ANAPC1: variants seen among roughly 807,000 people sequenced by gnomAD.
ANAPC1 encodes anaphase-promoting complex subunit 1.
Under a neutral mutation model 208.0 loss-of-function variants are expected in ANAPC1, and 36 were observed. That is an observed-to-expected ratio of 0.17 (90% CI 0.13 to 0.23). ANAPC1 has a LOEUF of 0.23. Ranked by LOEUF, ANAPC1 falls within the 10% of genes least tolerant of loss-of-function variation. The pLI is 1.00. For missense variants in ANAPC1, 942 were observed against 2,011.6 expected (o/e 0.47, Z 10.17); for synonymous variants, 378 against 695.2 (o/e 0.54, Z 7.18).
At chr2:111,813,512 C>T (rs1426185566) in intron 28 of ANAPC1, among the ~76,000 whole-genome samples, 89 of 149,366 alleles carry the variant, frequency 6.0e-4, no homozygotes, top group Admixed American at 1.3e-3. Context: ...CAGTCCAAAT[C>T]CATCTCAGGG....
chr2:111,779,596 G>A (rs1460077279), intron 44 of ANAPC1: 1 of 152,632 alleles, frequency 6.6e-6, no homozygotes, highest in African/African-American at 2.4e-5. Context: ...CAGCACTTTG[G>A]GAGTCCAAGG....
intron 27 of ANAPC1, among the ~76,000 whole-genome samples, chr2:111,816,314 G>C (rs1480288119): frequency 2.7e-5 from 4 of 149,058 alleles, no homozygotes; most frequent in Admixed American, 6.7e-5. Context: ...TCTGCTACAG[G>C]TCTTACCTAT....
intron 21 of ANAPC1, among the ~76,000 whole-genome samples, chr2:111,830,298 T>TA (rs1026559602): frequency 6.6e-6 from 1 of 152,170 alleles, no homozygotes; most frequent in Non-Finnish European, 1.5e-5. Context: ...ATAGTCTTTT[T>TA]AAAAAACAGT....
chr2:111,848,707 G>A (rs1681226687), intron 14 of ANAPC1, among the ~76,000 whole-genome samples: 1 of 151,418 alleles, frequency 6.6e-6, no homozygotes, highest in Non-Finnish European at 1.5e-5. Context: ...AACCCAGGAG[G>A]TGGAGGTTGC....
intron 29 of ANAPC1, among the ~76,000 whole-genome samples, chr2:111,806,741 T>G (rs1161504340): frequency 6.6e-6 from 1 of 151,634 alleles, no homozygotes; most frequent in East Asian, 1.9e-4. Flanking sequence ...ATCCTAGAAG[T>G]CTGACTGGAT....
chr2:111,832,304 A>AG (rs1028415643), intron 20 of ANAPC1, among the ~76,000 whole-genome samples: 13 of 137,086 alleles, frequency 9.5e-5, no homozygotes, highest in African/African-American at 2.8e-4. Flanking sequence ...CCCTGTCTCA[A>AG]GAAAAAAAAA....
chr2:111,801,234 G>A (rs1678428280), intron 33 of ANAPC1, among the ~76,000 whole-genome samples: 1 of 151,614 alleles, frequency 6.6e-6, no homozygotes, highest in Admixed American at 6.6e-5. Flanking sequence ...GCACACGCCT[G>A]TAGTCCTAGC....
chr2:111,829,651 AAAAT>A (rs1346893840), intron 21 of ANAPC1, among the ~76,000 whole-genome samples: 14 of 152,318 alleles, frequency 9.2e-5, no homozygotes, highest in Middle Eastern at 6.8e-3. Context: ...CTAATTTCTA[AAAAT>A]AAATAAATCA....
intron 39 of ANAPC1, among the ~76,000 whole-genome samples, chr2:111,787,638 A>G (rs960619417): frequency 2.6e-5 from 4 of 152,100 alleles, no homozygotes; most frequent in African/African-American, 7.2e-5. Flanking sequence ...GTCTCAAACT[A>G]TATCTAGGGA....
chr2:111,878,912 C>T lies in ANAPC1; in HGVS notation c.273G>A (p.Glu91=). 6.2e-7 allele frequency: 1 copy of T among 1,600,982 alleles called. No homozygotes were observed. The highest frequency in any genetic ancestry group is 8.5e-7 in the Non-Finnish European group (1 of 1,176,446). The part of the protein sequence containing the change: ...SEIGEDVDYD[E]ELYVAGNMVI... ...CCATATTTCCAGCAACATAGAGTTC[C>T]TCATCATAGTCCACATCTTCTCCAA... Residue 91 remains glutamate, a synonymous_variant, in exon 3 of 48, where the codon GAG becomes GAA. Transcript: ENST00000341068.
At chr2:111,798,818 A>C (rs1678290326) in intron 34 of ANAPC1, among the ~76,000 whole-genome samples, 1 of 152,268 alleles carries the variant, frequency 6.6e-6, no homozygotes, top group African/African-American at 2.4e-5. Flanking sequence ...GCAGATCACG[A>C]GGTCAGGAGA....
rs150291193 is a variant in ANAPC1 at position 111,777,260 on chromosome 2, T to A, written c.5386-203A>T. Among the ~76,000 whole-genome samples, 5 of 152,266 alleles carry A rather than the reference T, an allele frequency of 3.3e-5. No homozygotes were observed. The South Asian group carries it at 8.3e-4, about 25-fold the overall frequency. ...TGGCTCACCTCCTTCAATATGGCCC[T>A]ACATGAGCAGCTTGCAGGGAAAAGT... On this transcript the variant is annotated intron_variant, in intron 45 of 47. Coordinates refer to ENST00000341068, the MANE Select transcript of ANAPC1 (RefSeq NM_022662.4).
chr2:111,833,153 C>A, intron 20 of ANAPC1, 67 bp downstream of exon 20: 1 of 1,518,414 alleles, frequency 6.6e-7, no homozygotes, highest in Non-Finnish European at 8.9e-7. Flanking sequence ...CTCTGCTATT[C>A]AATGAGAAAG....
intron 33 of ANAPC1, among the ~76,000 whole-genome samples, chr2:111,801,697 C>T (rs1678452045): frequency 1.3e-5 from 2 of 151,204 alleles, no homozygotes; most frequent in South Asian, 2.1e-4. Context: ...AGTTGGGAAC[C>T]GTCTTACTCA....
intron 37 of ANAPC1, 131 bp from the exon 38 acceptor site, chr2:111,792,686 C>T (rs1468990073): frequency 1.6e-6 from 1 of 635,168 alleles, no homozygotes; most frequent in Non-Finnish European, 2.7e-6. Flanking sequence ...GGCACTGTGG[C>T]TCACGCCTGT....
chr2:111,851,169 C>T (rs1681375494), intron 13 of ANAPC1, among the ~76,000 whole-genome samples: 1 of 151,334 alleles, frequency 6.6e-6, no homozygotes, highest in African/African-American at 2.4e-5. Context: ...GTGGCATGAT[C>T]TCAGCTCACT....
chr2:111,819,347 A>T (rs1679396218), intron 26 of ANAPC1: 4 of 700,400 alleles, frequency 5.7e-6, no homozygotes, highest in Non-Finnish European at 5.2e-6. Flanking sequence ...ATTTCAGTCT[A>T]GCTGTCCTCA....
intron 3 of ANAPC1, 53 bp downstream of exon 3, chr2:111,878,754 CTTT>C (rs1164986915): frequency 6.3e-7 from 1 of 1,599,426 alleles, no homozygotes; most frequent in South Asian, 1.1e-5. Context: ...TAAAACAAAA[CTTT>C]TTTTTAATTG....
intron 21 of ANAPC1, among the ~76,000 whole-genome samples, chr2:111,826,249 T>A (rs1679824910): frequency 6.6e-6 from 1 of 152,210 alleles, no homozygotes; most frequent in South Asian, 2.1e-4. Flanking sequence ...ATTTTAGGTG[T>A]ACAGCTCTGT....
Sources: allele counts gnomAD v4.1 joint callset (sites outside exome capture counted in the v4.1 genomes callset), GRCh38; gene constraint gnomAD v4.1.1; transcripts MANE v1.5; gene names NCBI Gene and HGNC (gene_info 2026-07-23, HGNC 2026-07-21).